The following IFI27 variants were observed in gnomAD, a reference collection of about 807,000 sequenced individuals.
IFI27 encodes interferon alpha inducible protein 27, also known as interferon alpha-inducible protein 27, mitochondrial.
A neutral mutation model predicts 8.9 loss-of-function variants in IFI27; 3 were observed. The ratio of observed to expected loss-of-function variants is 0.34; its 90% CI spans 0.15 to 0.87. The LOEUF is 0.87. IFI27 is among the 40% of genes least tolerant of loss of function. IFI27 has a pLI of 0.51. For synonymous variants in IFI27, 66 were observed against 67.3 expected, an observed-to-expected ratio of 0.98 and a Z score of 0.09; for missense variants, 152 against 157.7, an observed-to-expected ratio of 0.96 and a Z score of 0.19.
upstream of IFI27, among the ~76,000 whole-genome samples, chr14:94,106,917 G>A (rs186254198): frequency 3.6e-4 from 55 of 151,816 alleles, no homozygotes; most frequent in Non-Finnish European, 6.6e-4. Flanking sequence ...CCCCATGACC[G>A]AAACACCCCC....
At position 94,111,142 on chromosome 14, in the gene IFI27, AC is replaced by A. The variant is rs1402738849; in HGVS notation, c.-59+347del. The stretch of plus-strand genomic sequence containing the variant: ...GTTGCTTCCCTATGGAAAGCTTCTG[AC>A]CTGGAGCAAATCACTGAGCCAGATC... On this transcript the variant is annotated intron_variant, in intron 1 of 4. Transcript: ENST00000621160. This position sits in a 1 kb window ranked among gnomAD's most constrained non-coding sequence, Gnocchi z 4.3. Among the ~76,000 whole-genome samples the A allele has an allele frequency of 3.3e-5, 5 of 152,116 alleles. No individual in the cohort carries two copies. Among genetic ancestry groups the A allele is most frequent in the African/African-American group, 1.2e-4 (5 of 41,400 alleles).
At chr14:94,108,550 T>A (rs894319692), upstream of IFI27, among the ~76,000 whole-genome samples, 4 of 152,220 alleles carry the variant, frequency 2.6e-5, no homozygotes, top group Non-Finnish European at 5.9e-5. Flanking sequence ...ACATTCATTG[T>A]GCTAATTTGC....
At chr14:94,113,090 TC>T (rs1887253735) in intron 2 of IFI27, 1 of 152,242 alleles carries the variant, frequency 6.6e-6, no homozygotes. Flanking sequence ...GATAATATCG[TC>T]CCTTATTTAC....
intron 3 of IFI27, chr14:94,115,400 T>A (rs949190214): frequency 5.5e-6 from 3 of 541,498 alleles, no homozygotes; most frequent in Non-Finnish European, 1.1e-5. Flanking sequence ...TCTTACATAA[T>A]CTCCTGGGCA....
At chr14:94,115,378 T>A (rs1887351204) in intron 3 of IFI27, 1 of 526,662 alleles carries the variant, frequency 1.9e-6, no homozygotes, top group Non-Finnish European at 3.7e-6. Flanking sequence ...TTTGAGCCGC[T>A]CTGAATGTGC....
At chr14:94,106,427 C>A (rs1277620014), upstream of IFI27, among the ~76,000 whole-genome samples, 1 of 152,238 alleles carries the variant, frequency 6.6e-6, no homozygotes, top group Non-Finnish European at 1.5e-5. Context: ...ATCTTACGAT[C>A]CCACCAACAG....
chr14:94,114,590 G>A (rs561675617), intron 2 of IFI27: 23 of 518,952 alleles, frequency 4.4e-5, no homozygotes, highest in African/African-American at 1.9e-4. Flanking sequence ...TGATTCCCCC[G>A]ATCAACCAAC....
chr14:94,114,829 A>C (rs1887328402), intron 2 of IFI27, 22 bp from the exon 3 acceptor site: 6 of 1,613,780 alleles, frequency 3.7e-6, no homozygotes, highest in Non-Finnish European at 4.2e-6. Flanking sequence ...ATCTACTCAC[A>C]GAATGTTCTT....
Position 94,111,797 on chromosome 14 carries a change from G to C in IFI27, c.91+24G>C. 2 of 1,585,298 alleles carry C rather than the reference G, an allele frequency of 1.3e-6. No individual in the cohort carries two copies. Among genetic ancestry groups the C allele is most frequent in the Non-Finnish European group, 1.7e-6 (2 of 1,153,840 alleles). On this transcript the variant is annotated intron_variant, in intron 2 of 4. Coordinates refer to ENST00000621160, the Ensembl canonical transcript of IFI27. The surrounding 1 kb of genome is among the most constrained non-coding windows in gnomAD (Gnocchi z 4.3). The stretch of plus-strand genomic sequence containing the variant: ...GGGTGAGTGTTCCTGGGAGGGGCTG[G>C]TGCTGGGGGCGAGGAGGCGGCTGGG...
chr14:94,116,156 A>C lies in IFI27; in HGVS notation c.283+214A>C. 1 of 738,608 alleles carries C rather than the reference A, an allele frequency of 1.4e-6. No individual in the cohort carries two copies. The highest frequency in any genetic ancestry group is 1.5e-5 in the South Asian group (1 of 67,496). 45.8% of individuals were successfully genotyped at this position (738,608 alleles called of 1,614,324 possible). A position where few individuals can be genotyped will look rare whatever the true frequency, so the allele number is the denominator to read the frequency against. ...CTCAGGAAGACTCAGCCCGAAGCAG[A>C]TTTGCTGGGTTACCTGGGGCGTCTC... On this transcript the variant is annotated intron_variant, in intron 4 of 4. Transcript: ENST00000621160. This position sits in a 1 kb window ranked among gnomAD's most constrained non-coding sequence, Gnocchi z 4.3.
At chr14:94,109,258 C>T (rs1450900356), upstream of IFI27, among the ~76,000 whole-genome samples, 3 of 148,198 alleles carry the variant, frequency 2.0e-5, no homozygotes, top group Non-Finnish European at 4.5e-5. Context: ...GCCGAGATTG[C>T]GCCATTGCCC....
chr14:94,115,076 G>A (rs887944209), intron 3 of IFI27, among the ~76,000 whole-genome samples, 196 bp downstream of exon 3: 26 of 152,214 alleles, frequency 1.7e-4, no homozygotes, highest in African/African-American at 6.3e-4. Context: ...TGGAGACTGG[G>A]AGCTGGAGTG....
Position 94,116,237 on chromosome 14 carries a change from GA to G in IFI27, c.284-204del. 1.5e-6 allele frequency: 1 copy of G among 654,180 alleles called. No homozygotes were observed. Among genetic ancestry groups the G allele is most frequent in the East Asian group, 2.7e-5 (1 of 36,770 alleles). 40.5% of individuals were successfully genotyped at this position (654,180 alleles called of 1,614,324 possible). A position where few individuals can be genotyped will look rare whatever the true frequency, so the allele number is the denominator to read the frequency against. On this transcript the variant is annotated intron_variant, in intron 4 of 4. Transcript: ENST00000621160. This position sits in a 1 kb window ranked among gnomAD's most constrained non-coding sequence, Gnocchi z 4.3. ...AAGAGCGAGGCTGCTTCTAGCTCTG[GA>G]GTTCACCATGGGGGTTCATGCCTGC...
At chr14:94,106,458 A>G (rs1049635745), upstream of IFI27, among the ~76,000 whole-genome samples, 9 of 152,190 alleles carry the variant, frequency 5.9e-5, no homozygotes, top group Non-Finnish European at 1.0e-4. Context: ...TTCCAATTAT[A>G]TAAGGGCCAA....
chr14:94,106,231 A>G (rs1887013102), upstream of IFI27, among the ~76,000 whole-genome samples: 1 of 152,154 alleles, frequency 6.6e-6, no homozygotes, highest in East Asian at 1.9e-4. Flanking sequence ...AAAAAGTTCC[A>G]TCTCCCAATA....
chr14:94,109,975 G>A (rs1246995405), upstream of IFI27, among the ~76,000 whole-genome samples: 2 of 152,182 alleles, frequency 1.3e-5, no homozygotes, highest in Non-Finnish European at 2.9e-5. Context: ...CAGGACACAA[G>A]ATCAAGTCCT....
intron 2 of IFI27, among the ~76,000 whole-genome samples, chr14:94,112,518 C>T (rs1322528430): frequency 6.6e-6 from 1 of 152,212 alleles, no homozygotes; most frequent in Non-Finnish European, 1.5e-5. Flanking sequence ...GTGTGTATCC[C>T]CTGCCCTTTA....
upstream of IFI27, among the ~76,000 whole-genome samples, chr14:94,108,051 A>G (rs966609492): frequency 2.6e-5 from 4 of 152,028 alleles, no homozygotes; most frequent in African/African-American, 9.7e-5. Context: ...ATGTGTTCTC[A>G]TTGTTCAACT....
chr14:94,107,176 TCTC>T (rs1887027451), upstream of IFI27, among the ~76,000 whole-genome samples: 1 of 152,100 alleles, frequency 6.6e-6, no homozygotes, highest in African/African-American at 2.4e-5. Context: ...TTCAAGCAAT[TCTC>T]CTGCTTCAGC....
Sources: gnomAD v4.1 joint callset for allele counts (sites outside exome capture counted in the v4.1 genomes callset) on GRCh38, gnomAD v4.1.1 for gene constraint, Gnocchi (gnomAD v3.1) non-coding constraint, MANE v1.5 for transcripts, NCBI Gene and HGNC (gene_info 2026-07-23, HGNC 2026-07-21) for gene names.